Variants in ARFGEF3 observed in about 807,000 individuals in gnomAD.
ARFGEF3 encodes ARFGEF family member 3.
In ARFGEF3, 96 loss-of-function variants were observed where a neutral mutation model predicts 221.7. The observed-to-expected ratio is 0.43, with a 90% CI of 0.37 to 0.51. The LOEUF is 0.51. Ranked by LOEUF, ARFGEF3 falls within the 20% of genes least tolerant of loss-of-function variation. The pLI is 0.00. For synonymous variants in ARFGEF3, 1,145 were observed against 1,126.8 expected, an observed-to-expected ratio of 1.02 and a Z score of -0.32; for missense variants, 2,410 against 2,789.9, an observed-to-expected ratio of 0.86 and a Z score of 3.07.
intron 13 of ARFGEF3, among the ~76,000 whole-genome samples, chr6:138,279,458 T>G (rs1371336240): frequency 6.6e-6 from 1 of 152,216 alleles, no homozygotes; most frequent in Admixed American, 6.5e-5. Context: ...TGTCCTGTGG[T>G]TAGCTCCTGT....
chr6:138,248,913 T>A (rs1778533540), intron 8 of ARFGEF3, among the ~76,000 whole-genome samples: 1 of 152,204 alleles, frequency 6.6e-6, no homozygotes, highest in Non-Finnish European at 1.5e-5. Flanking sequence ...GCTTAAAACA[T>A]ACCATTGTTC....
Position 138,336,597 on chromosome 6 carries a change from T to A in ARFGEF3, c.*111T>A. Reference sequence around the variant, plus strand: ...AGCCCCACTTAAACTACTACTACTGTCTCAGAGAACAGTGTTTCCTAATGT... The same window carrying A: ...AGCCCCACTTAAACTACTACTACTGACTCAGAGAACAGTGTTTCCTAATGT... On this transcript the variant is annotated 3_prime_UTR_variant, in exon 34 of 34. Transcript: ENST00000251691. 2.4e-6 allele frequency: 2 copies of A among 834,002 alleles called. No homozygotes were observed. Among genetic ancestry groups the A allele is most frequent in the Non-Finnish European group, 1.8e-6 (1 of 552,474 alleles). The allele number at this position is 834,002 out of a possible 1,614,324, so 51.7% of individuals were successfully genotyped here. A position where few individuals can be genotyped will look rare whatever the true frequency, so the allele number is the denominator to read the frequency against.
At chr6:138,218,568 A>G in intron 4 of ARFGEF3, 2 of 1,145,338 alleles carry the variant, frequency 1.7e-6, no homozygotes, top group South Asian at 2.0e-5. Flanking sequence ...GTTCCATCCT[A>G]CGAGGTAGAG....
chr6:138,319,319 T>A (rs1779981717), intron 27 of ARFGEF3, among the ~76,000 whole-genome samples: 1 of 152,022 alleles, frequency 6.6e-6, no homozygotes, highest in African/African-American at 2.4e-5. Flanking sequence ...AAGTTTACAT[T>A]ATCTCCTTTA....
intron 5 of ARFGEF3, among the ~76,000 whole-genome samples, chr6:138,232,263 T>C (rs1359629363): frequency 6.6e-6 from 1 of 152,060 alleles, no homozygotes; most frequent in East Asian, 1.9e-4. Flanking sequence ...TCCCAGCACT[T>C]TGGGAGGCCG....
At chr6:138,278,403 C>A in intron 12 of ARFGEF3, 48 bp from the exon 13 acceptor site, 1 of 1,582,134 alleles carries the variant, frequency 6.3e-7, no homozygotes, top group African/African-American at 1.3e-5. Flanking sequence ...CCAGCCTTGC[C>A]AAGCACACTG....
intron 4 of ARFGEF3, among the ~76,000 whole-genome samples, chr6:138,219,274 C>T (rs1168582855): frequency 1.3e-5 from 2 of 151,964 alleles, no homozygotes; most frequent in Non-Finnish European, 2.9e-5. Context: ...AAAAAAAGTC[C>T]TGGGGATGGA....
chr6:138,194,466 GA>G (rs995966851), intron 2 of ARFGEF3, among the ~76,000 whole-genome samples: 2 of 152,048 alleles, frequency 1.3e-5, no homozygotes, highest in Admixed American at 1.3e-4. Context: ...TTTTCATCAT[GA>G]AAAAAATCAT....
chr6:138,304,991 T>C (rs1779693920), intron 22 of ARFGEF3, among the ~76,000 whole-genome samples: 1 of 152,094 alleles, frequency 6.6e-6, no homozygotes, highest in Admixed American at 6.6e-5. Context: ...ACAGGTGACA[T>C]GTTTTCCATG....
rs755086019 is a variant in ARFGEF3, at chr6:138,289,947, A to G, written c.3026A>G (p.Asp1009Gly). ...VGLEMGSHNP[D>G]CWPHVFRVCE... is the part of the protein sequence containing the mutation. ...CTGGAGATGGGAAGCCACAACCCGG[A>G]CTGCTGGCCACACGTGTTCAGGTGC... The change falls in exon 18 of 34, where the codon GAC becomes GGC. Residue 1009 changes from aspartate (D) to glycine (G), a missense_variant. Asp to Gly is a moderately conservative substitution (Grantham distance 94). Coordinates refer to ENST00000251691, the MANE Select transcript of ARFGEF3 (RefSeq NM_020340.5). 3 of 1,613,258 alleles carry G rather than the reference A, an allele frequency of 1.9e-6. No homozygotes were observed. Among genetic ancestry groups the G allele is most frequent in the Admixed American group, 3.3e-5 (2 of 59,918 alleles).
chr6:138,275,420 C>A (rs1374877709), intron 12 of ARFGEF3, among the ~76,000 whole-genome samples: 3 of 152,216 alleles, frequency 2.0e-5, no homozygotes, highest in African/African-American at 7.2e-5. Context: ...TGAAAGCTTT[C>A]TCTGGTCCAC....
chr6:138,294,149 C>A (rs752003040), intron 20 of ARFGEF3, 23 bp downstream of exon 20: 2 of 1,610,564 alleles, frequency 1.2e-6, no homozygotes, highest in African/African-American at 1.3e-5. Flanking sequence ...CTGAATAAAC[C>A]ATATGCCAGG....
rs79349712 is a variant in ARFGEF3, at chr6:138,321,009, T to G, written c.4652-102T>G. ...TGTTCTATTTCTTTTTCCCAGATAT[T>G]TGCTTATCATTCAGACTTTCCTCTG... On this transcript the variant is annotated intron_variant, in intron 28 of 33. Coordinates refer to ENST00000251691, the MANE Select transcript of ARFGEF3 (RefSeq NM_020340.5). 0.035 allele frequency: 24,026 copies of G among 677,146 alleles called. 494 individuals carry two copies. The highest frequency in any genetic ancestry group is 0.046 in the African/African-American group (2,493 of 53,758). The allele number at this position is 677,146 out of a possible 1,614,324, so 41.9% of individuals were successfully genotyped here.
chr6:138,242,710 A>G (rs1778415331), intron 6 of ARFGEF3, among the ~76,000 whole-genome samples: 1 of 152,226 alleles, frequency 6.6e-6, no homozygotes, highest in African/African-American at 2.4e-5. Flanking sequence ...GTGTCCACAC[A>G]AACGTGACTG....
intron 32 of ARFGEF3, among the ~76,000 whole-genome samples, chr6:138,332,794 C>T (rs894764513): frequency 9.9e-5 from 15 of 152,046 alleles, no homozygotes; most frequent in African/African-American, 2.4e-4. Flanking sequence ...AAAGTTAAAG[C>T]GATTTATTTT....
intron 6 of ARFGEF3, among the ~76,000 whole-genome samples, chr6:138,239,943 C>G (rs9402965): frequency 0.1 from 15,321 of 152,172 alleles, 1,089 homozygotes; most frequent in East Asian, 0.37. Context: ...AACCCCTGGT[C>G]TCTAGCTGAC....
At chr6:138,204,471 C>G (rs1325399995) in intron 2 of ARFGEF3, among the ~76,000 whole-genome samples, 2 of 151,840 alleles carry the variant, frequency 1.3e-5, no homozygotes, top group African/African-American at 4.8e-5. Context: ...GGCTTTTTGC[C>G]TGTTGTTGTA....
chr6:138,179,965 A>G (rs1777046000), intron 2 of ARFGEF3, among the ~76,000 whole-genome samples: 2 of 152,194 alleles, frequency 1.3e-5, no homozygotes, highest in South Asian at 4.1e-4. Flanking sequence ...GTATGGCACC[A>G]TGCCCAGTTA....
At chr6:138,206,921 T>C in intron 2 of ARFGEF3, 121 bp from the exon 3 acceptor site, 1 of 683,138 alleles carries the variant, frequency 1.5e-6, no homozygotes, top group Non-Finnish European at 2.6e-6. Flanking sequence ...ATTTTTATTA[T>C]TGGTTATAGT....
Sources: gnomAD v4.1 joint callset for allele counts (sites outside exome capture counted in the v4.1 genomes callset) on GRCh38, gnomAD v4.1.1 for gene constraint, MANE v1.5 for transcripts, NCBI Gene and HGNC (gene_info 2026-07-23, HGNC 2026-07-21) for gene names.